The following KAZN variants were observed in gnomAD, a reference collection of about 807,000 sequenced individuals.
The protein encoded by KAZN is kazrin, periplakin interacting protein, also known as kazrin.
A neutral mutation model predicts 87.4 loss-of-function variants in KAZN; 40 were observed. The ratio of observed to expected loss-of-function variants is 0.46; its 90% CI spans 0.36 to 0.60. KAZN has a LOEUF of 0.60. Among genes scored for constraint, KAZN ranks in the 20% least tolerant of loss-of-function variants. The pLI is 0.00. For synonymous variants in KAZN, 466 were observed against 458.3 expected, an observed-to-expected ratio of 1.02 and a Z score of -0.22; for missense variants, 898 against 1,073.9, an observed-to-expected ratio of 0.84 and a Z score of 2.29.
At chr1:14,458,556 G>A (rs752385737) in intron 2 of KAZN, among the ~76,000 whole-genome samples, 2 of 152,204 alleles carry the variant, frequency 1.3e-5, no homozygotes, top group African/African-American at 2.4e-5. Context: ...CCGCAGGATG[G>A]TCTGAGTAGC....
At chr1:14,640,257 G>C (rs145554421) in intron 1 of KAZN, among the ~76,000 whole-genome samples, 1 of 152,260 alleles carries the variant, frequency 6.6e-6, no homozygotes, top group East Asian at 1.9e-4. Context: ...GGTTTCAACC[G>C]TCTGGGACCT....
chr1:14,834,907 G>A (rs760860320), intron 1 of KAZN, among the ~76,000 whole-genome samples: 2 of 152,068 alleles, frequency 1.3e-5, no homozygotes, highest in African/African-American at 2.4e-5. Flanking sequence ...GTGCTGGTTT[G>A]GGGCACTCTC....
intron 1 of KAZN, among the ~76,000 whole-genome samples, chr1:14,946,504 A>G (rs1273593195): frequency 6.6e-6 from 1 of 151,854 alleles, no homozygotes; most frequent in East Asian, 1.9e-4. Context: ...CGCTTGGCTA[A>G]TTTTTTGTAT....
At chr1:14,111,707 C>T (rs1229342416) in intron 1 of KAZN, among the ~76,000 whole-genome samples, 1 of 128,848 alleles carries the variant, frequency 7.8e-6, no homozygotes, top group African/African-American at 3.1e-5. Context: ...GGACTCCACA[C>T]CTGATGCCCC....
intron 2 of KAZN, among the ~76,000 whole-genome samples, chr1:14,346,438 C>T (rs1658112844): frequency 6.6e-6 from 1 of 152,100 alleles, no homozygotes; most frequent in African/African-American, 2.4e-5. Context: ...CTCAGCCCTC[C>T]TGGGGTGAGG....
intron 4 of KAZN, among the ~76,000 whole-genome samples, chr1:15,051,926 T>G (rs1056066339): frequency 5.3e-5 from 8 of 152,208 alleles, no homozygotes; most frequent in Non-Finnish European, 1.0e-4. Context: ...CTGTCTGACT[T>G]TTGTCAAATG....
intron 2 of KAZN, among the ~76,000 whole-genome samples, chr1:14,499,221 T>A (rs572308727): frequency 6.6e-6 from 1 of 152,252 alleles, no homozygotes; most frequent in East Asian, 1.9e-4. Flanking sequence ...GTTCAGGCAA[T>A]GCTAAAAGCC....
At chr1:14,532,885 G>A (rs1338449921) in intron 2 of KAZN, among the ~76,000 whole-genome samples, 2 of 151,898 alleles carry the variant, frequency 1.3e-5, no homozygotes, top group Non-Finnish European at 2.9e-5. Flanking sequence ...GGACATTTGG[G>A]TTGGTTCCAA....
At chr1:14,843,359 C>T (rs1648260298) in intron 1 of KAZN, among the ~76,000 whole-genome samples, 2 of 152,298 alleles carry the variant, frequency 1.3e-5, no homozygotes, top group Middle Eastern at 3.4e-3. Flanking sequence ...GAGGAGGTAA[C>T]ATTTAAGCTG....
At chr1:14,370,147 T>A (rs772422510) in intron 2 of KAZN, among the ~76,000 whole-genome samples, 37 of 152,250 alleles carry the variant, frequency 2.4e-4, no homozygotes, top group Admixed American at 4.6e-4. Context: ...AGGGTGGATG[T>A]CTTTCCACCC....
At position 14,735,484 on chromosome 1, in the gene KAZN, C is replaced by G. The variant is rs981131875; in HGVS notation, c.226+136261C>G. On this transcript the variant is annotated intron_variant, in intron 1 of 14. Transcript: ENST00000376030. The surrounding 1 kb of genome is among the most constrained non-coding windows in gnomAD (Gnocchi z 4.3). ...CACCTTGGGTGTTTAGGCTGGACCC[C>G]GAAACCACCCCCATACACAAAGCCT... 3.3e-5 allele frequency among the ~76,000 whole-genome samples: 5 copies of G among 152,184 alleles called. No homozygotes were observed. The highest frequency in any genetic ancestry group is 7.3e-5 in the Non-Finnish European group (5 of 68,036).
intron 1 of KAZN, among the ~76,000 whole-genome samples, chr1:13,917,820 G>C (rs1017672470): frequency 1.6e-5 from 2 of 122,658 alleles, no homozygotes; most frequent in African/African-American, 6.9e-5. Context: ...AAAAAAAAAA[G>C]GAAAGAAATT....
intron 2 of KAZN, among the ~76,000 whole-genome samples, chr1:14,453,056 T>C (rs1667364092): frequency 6.6e-6 from 1 of 152,062 alleles, no homozygotes; most frequent in African/African-American, 2.4e-5. Flanking sequence ...CCCGGGTTTA[T>C]GCCATTCTTC....
intron 2 of KAZN, among the ~76,000 whole-genome samples, chr1:14,551,475 G>A (rs1204512894): frequency 6.6e-6 from 1 of 152,186 alleles, no homozygotes; most frequent in Non-Finnish European, 1.5e-5. Flanking sequence ...TAAGCTCTGT[G>A]CAATTTGTGT....
intron 1 of KAZN, among the ~76,000 whole-genome samples, chr1:14,686,522 C>G (rs913918572): frequency 6.6e-6 from 1 of 152,216 alleles, no homozygotes; most frequent in Non-Finnish European, 1.5e-5. Flanking sequence ...TTCTACTTTT[C>G]TTAACTTATT....
At chr1:14,945,203 G>A (rs1415577472) in intron 1 of KAZN, among the ~76,000 whole-genome samples, 3 of 152,260 alleles carry the variant, frequency 2.0e-5, no homozygotes, top group Admixed American at 1.3e-4. Context: ...AGGCCTCGCA[G>A]CTATAGATGG....
chr1:14,378,306 TTAAAA>T (rs1274253461), intron 2 of KAZN, among the ~76,000 whole-genome samples: 3 of 138,238 alleles, frequency 2.2e-5, no homozygotes, highest in Non-Finnish European at 5.1e-5. Context: ...GGCTTATCCT[TTAAAA>T]GAAAAGTAAA....
chr1:14,626,881 C>A (rs919584455), intron 1 of KAZN, among the ~76,000 whole-genome samples: 1 of 152,198 alleles, frequency 6.6e-6, no homozygotes. Context: ...AAAAACATTC[C>A]ACTGATCCTT....
At chr1:14,416,294 C>T (rs1182784446) in intron 2 of KAZN, among the ~76,000 whole-genome samples, 2 of 152,164 alleles carry the variant, frequency 1.3e-5, no homozygotes, top group Non-Finnish European at 2.9e-5. Context: ...CAGAACAGGA[C>T]TTGGCACTGA....
Sources: allele counts gnomAD v4.1 joint callset (sites outside exome capture counted in the v4.1 genomes callset), GRCh38; gene constraint gnomAD v4.1.1; non-coding constraint Gnocchi (gnomAD v3.1); transcripts MANE v1.5; gene names NCBI Gene and HGNC (gene_info 2026-07-23, HGNC 2026-07-21).